Variants in ZWILCH observed in about 807,000 individuals in gnomAD.
ZWILCH encodes the protein protein zwilch homolog.
ZWILCH carries 74 observed loss-of-function variants against 79.9 expected under a neutral mutation model. That is an observed-to-expected ratio of 0.93 (90% confidence interval 0.77 to 1.12). The LOEUF (loss-of-function observed/expected upper bound fraction) is 1.12, where lower values mean the gene tolerates loss of function less well. ZWILCH is among the 50% of genes most tolerant of loss of function. The probability of loss-of-function intolerance (pLI) is 0.00; values close to 1 mark genes in which losing one functional copy is unlikely to be tolerated. For missense variants in ZWILCH, 694 were observed against 687.5 expected, an observed-to-expected ratio of 1.01 and a Z score of -0.11; for synonymous variants, 241 against 228.2, an observed-to-expected ratio of 1.06 and a Z score of -0.51.
intron 3 of ZWILCH, among the ~76,000 whole-genome samples, chr15:66,515,304 T>C (rs1894211586): frequency 1.3e-5 from 2 of 152,178 alleles, no homozygotes. Context: ...GCAACTAAGG[T>C]CAATATCTTT....
intron 17 of ZWILCH, among the ~76,000 whole-genome samples, chr15:66,544,686 GA>G (rs35489089): frequency 4.8e-5 from 7 of 145,588 alleles, no homozygotes; most frequent in Admixed American, 2.8e-4. Context: ...AAACATTTGT[GA>G]AAAAAATGCC....
chr15:66,537,323 T>C, intron 16 of ZWILCH, 60 bp downstream of exon 16: 1 of 1,268,646 alleles, frequency 7.9e-7, no homozygotes, highest in Non-Finnish European at 1.1e-6. Context: ...TATGGGAGGC[T>C]GAGGTGGGAG....
intron 12 of ZWILCH, among the ~76,000 whole-genome samples, chr15:66,530,236 AAG>A (rs1298485702): frequency 6.6e-6 from 1 of 152,244 alleles, no homozygotes; most frequent in Non-Finnish European, 1.5e-5. Context: ...ATTTGATAAA[AAG>A]GAATATACAC....
chr15:66,528,981 T>A (rs1279873812), intron 11 of ZWILCH, 24 bp downstream of exon 11: 2 of 1,579,124 alleles, frequency 1.3e-6, no homozygotes, highest in Non-Finnish European at 1.7e-6. Flanking sequence ...ATGATTTAAA[T>A]TTTTCCTCTT....
At chr15:66,531,741 C>G (rs1198832325) in intron 12 of ZWILCH, among the ~76,000 whole-genome samples, 1 of 150,204 alleles carries the variant, frequency 6.7e-6, no homozygotes, top group Non-Finnish European at 1.5e-5. Flanking sequence ...CAGGTGTAAA[C>G]CACTGCACCC....
At chr15:66,532,451 T>C (rs769819122) in intron 13 of ZWILCH, 48 bp downstream of exon 13, 2 of 1,521,724 alleles carry the variant, frequency 1.3e-6, no homozygotes, top group South Asian at 2.4e-5. Context: ...ATCACAGTTA[T>C]CAGTCACAGA....
At chr15:66,542,679 AC>A (rs1372747986) in intron 17 of ZWILCH, among the ~76,000 whole-genome samples, 1 of 152,162 alleles carries the variant, frequency 6.6e-6, no homozygotes, top group African/African-American at 2.4e-5. Flanking sequence ...AGTAAGGTAA[AC>A]AGTGTACCAA....
intron 10 of ZWILCH, among the ~76,000 whole-genome samples, chr15:66,528,174 G>A (rs1026021198): frequency 6.6e-6 from 1 of 152,136 alleles, no homozygotes; most frequent in African/African-American, 2.4e-5. Flanking sequence ...CTCCACCATG[G>A]CTCACTGCAG....
intron 4 of ZWILCH, among the ~76,000 whole-genome samples, chr15:66,517,446 A>ATATATATATG (rs1555424261): frequency 1.2e-4 from 15 of 125,784 alleles, no homozygotes; most frequent in East Asian, 6.5e-4. Context: ...ATATATATAT[A>ATATATATATG]TATATATATA....
chr15:66,520,793 T>C (rs1404698169), intron 6 of ZWILCH, 133 bp downstream of exon 6: 9 of 728,218 alleles, frequency 1.2e-5, no homozygotes, highest in African/African-American at 1.8e-5. Context: ...ATGTTTATTT[T>C]CATATCAGCT....
At chr15:66,526,309 G>A (rs74894249) in intron 8 of ZWILCH, among the ~76,000 whole-genome samples, 4 of 151,872 alleles carry the variant, frequency 2.6e-5, no homozygotes, top group Non-Finnish European at 4.4e-5. Context: ...CCTATTTCCC[G>A]CTGCTTCATA....
chr15:66,513,871 G>A lies in ZWILCH; in HGVS notation c.106-117G>A, dbSNP rs539554414. The A allele has an allele frequency of 1.3e-3, 949 of 729,710 alleles. 2 individuals carry two copies. Among genetic ancestry groups the A allele is most frequent in the Non-Finnish European group, 1.8e-3 (833 of 473,584 alleles). The allele number at this position is 729,710 out of a possible 1,614,324, so 45.2% of individuals were successfully genotyped here. A position where few individuals can be genotyped will look rare whatever the true frequency, so the allele number is the denominator to read the frequency against. On this transcript the variant is annotated intron_variant, in intron 2 of 18. Coordinates refer to ENST00000307897, the MANE Select transcript of ZWILCH (RefSeq NM_017975.5). The stretch of plus-strand genomic sequence containing the variant: ...CAGGCGTGAGCCACCGTGCCCGGCC[G>A]AGACTCTGTCTCTTAAGGAAATTTT...
rs1247350953 is a variant in ZWILCH, at chr15:66,520,413, AC to A, written c.521-174del. ...TGGGATTATATGTGTGAGCCACCAT[AC>A]CCAGCCCACTTTCATTCTCTTATAA... On this transcript the variant is annotated intron_variant, in intron 5 of 18. Transcript: ENST00000307897. The A allele has an allele frequency of 7.3e-6, 4 of 550,328 alleles. No individual in the cohort carries two copies. In the Admixed American group the frequency reaches 1.4e-4, roughly 19 times the overall value. The allele number at this position is 550,328 out of a possible 1,614,324, so 34.1% of individuals were successfully genotyped here.
At chr15:66,530,008 TAA>T (rs1894811161) in intron 12 of ZWILCH, among the ~76,000 whole-genome samples, 1 of 152,234 alleles carries the variant, frequency 6.6e-6, no homozygotes, top group Non-Finnish European at 1.5e-5. Context: ...ATTCTTTTGT[TAA>T]GATGTACCCT....
At chr15:66,545,938 T>C (rs1482325284) in intron 17 of ZWILCH, among the ~76,000 whole-genome samples, 1 of 152,160 alleles carries the variant, frequency 6.6e-6, no homozygotes, top group Admixed American at 6.5e-5. Flanking sequence ...TTGAGTAAAA[T>C]AGTTGACATC....
At chr15:66,534,121 A>T (rs1315404155) in intron 14 of ZWILCH, among the ~76,000 whole-genome samples, 1 of 151,740 alleles carries the variant, frequency 6.6e-6, no homozygotes, top group Non-Finnish European at 1.5e-5. Flanking sequence ...ACCCTGTTTC[A>T]AAAAAAAGGG....
rs768898031 is a variant in ZWILCH at position 66,514,065 on chromosome 15, A to G, written c.183A>G (p.Val61=). Reference sequence around the variant, plus strand: ...ATATTCTAAATGAAAATGACATAGTATTCATAGTGGAAAAAGTGGTAAGTA... The same window carrying G: ...ATATTCTAAATGAAAATGACATAGTGTTCATAGTGGAAAAAGTGGTAAGTA... ...LKNILNENDI[V]FIVEKVPLEK... Residue 61 remains valine, a synonymous_variant, in exon 3 of 19, where the codon GTA becomes GTG. Coordinates refer to ENST00000307897, the MANE Select transcript of ZWILCH (RefSeq NM_017975.5). 29 of 1,609,814 alleles carry G rather than the reference A, an allele frequency of 1.8e-5. No individual in the cohort carries two copies. The highest frequency in any genetic ancestry group is 2.3e-5 in the Non-Finnish European group (27 of 1,178,040).
intron 5 of ZWILCH, 198 bp from the exon 6 acceptor site, chr15:66,520,392 A>T (rs1286942006): frequency 1.8e-5 from 9 of 499,518 alleles, no homozygotes; most frequent in Non-Finnish European, 3.2e-5. Flanking sequence ...AAGTGCTGGG[A>T]TTATATGTGT....
chr15:66,532,480 T>C lies in ZWILCH; in HGVS notation c.1312+77T>C. 5.2e-6 allele frequency: 7 copies of C among 1,348,300 alleles called. No individual in the cohort carries two copies. The Middle Eastern group carries it at 6.8e-4, about 132-fold the overall frequency. The allele number at this position is 1,348,300 out of a possible 1,614,324, so 83.5% of individuals were successfully genotyped here. On this transcript the variant is annotated intron_variant, in intron 13 of 18. Transcript: ENST00000307897. ...TCACAGATATTCTCGGATTTTCTGT[T>C]TCTGCTTGTCCCTCATCGTCTGTAG...
Sources: gnomAD v4.1 joint callset for allele counts (sites outside exome capture counted in the v4.1 genomes callset) on GRCh38, gnomAD v4.1.1 for gene constraint, MANE v1.5 for transcripts, NCBI Gene and HGNC (gene_info 2026-07-23, HGNC 2026-07-21) for gene names.